RBBP6: variants seen among roughly 807,000 people sequenced by gnomAD.
RBBP6 encodes the protein RB binding protein 6, ubiquitin ligase.
Under a neutral mutation model 167.7 loss-of-function variants are expected in RBBP6, and 25 were observed. The ratio of observed to expected loss-of-function variants is 0.15; its 90% CI spans 0.11 to 0.21. RBBP6 has a LOEUF of 0.21. Among genes scored for constraint, RBBP6 ranks in the 10% least tolerant of loss-of-function variants. The probability of loss-of-function intolerance (pLI) is 1.00; values close to 1 mark genes in which losing one functional copy is unlikely to be tolerated. For missense variants in RBBP6, 1,868 were observed against 2,134.2 expected, an observed-to-expected ratio of 0.88 and a Z score of 2.46; for synonymous variants, 789 against 735.8, an observed-to-expected ratio of 1.07 and a Z score of -1.17.
At chr16:24,549,378 G>A (rs1898742513) in intron 3 of RBBP6, 4 of 1,019,058 alleles carry the variant, frequency 3.9e-6, no homozygotes, top group Non-Finnish European at 4.7e-6. Context: ...TTTGTTTCTT[G>A]CAATAAAAAA....
chr16:24,541,791 G>A (rs961551804), intron 1 of RBBP6, among the ~76,000 whole-genome samples: 1 of 152,142 alleles, frequency 6.6e-6, no homozygotes, highest in Non-Finnish European at 1.5e-5. Flanking sequence ...AGTTACTGAT[G>A]GAATGAGAAG....
intron 1 of RBBP6, 45 bp downstream of exon 1, chr16:24,540,837 T>G (rs1179130735): frequency 7.6e-6 from 12 of 1,584,878 alleles, no homozygotes; most frequent in Non-Finnish European, 9.4e-6. Context: ...TGGAGAGAGA[T>G]ACTAGCTAGA....
intron 7 of RBBP6, among the ~76,000 whole-genome samples, chr16:24,558,115 C>T (rs369784340): frequency 1.3e-5 from 2 of 151,978 alleles, no homozygotes; most frequent in Admixed American, 6.6e-5. Flanking sequence ...AAGAGCAGAC[C>T]GCTTCATCTA....
intron 8 of RBBP6, among the ~76,000 whole-genome samples, chr16:24,560,805 G>T (rs1420702111): frequency 1.3e-5 from 2 of 152,216 alleles, no homozygotes; most frequent in Non-Finnish European, 2.9e-5. Flanking sequence ...GATGTACATA[G>T]TATTATATGC....
chr16:24,560,947 C>G (rs754635843), intron 8 of RBBP6, among the ~76,000 whole-genome samples: 2 of 152,142 alleles, frequency 1.3e-5, no homozygotes, highest in Non-Finnish European at 2.9e-5. Context: ...AGACCAAGGT[C>G]AAGAAGAGGT....
intron 1 of RBBP6, among the ~76,000 whole-genome samples, chr16:24,541,180 G>GCAAAAAAAAAAA (rs1898477465): frequency 1.8e-5 from 1 of 55,334 alleles, no homozygotes; most frequent in Admixed American, 2.0e-4. Flanking sequence ...TGTTCAATCA[G>GCAAAAAAAAAAA]CAAAAAAAAA....
At chr16:24,563,098 CATCTT>C (rs1379140418) in intron 10 of RBBP6, 96 bp from the exon 11 acceptor site, 2 of 829,036 alleles carry the variant, frequency 2.4e-6, no homozygotes, top group African/African-American at 3.5e-5. Context: ...TGACTTAACT[CATCTT>C]AACTGCAGGT....
Position 24,556,339 on chromosome 16 carries a change from A to G in RBBP6, c.566A>G (p.Lys189Arg). ...AACTTTGAATCTGGTCCTAGGATTA[A>G]AAAGAGCACTGGAATTCCCAGAAGT... ...DKNFESGPRI[K>R]KSTGIPRSFM... is the part of the protein sequence containing the mutation. The change falls in exon 7 of 18, where the codon AAA becomes AGA. Residue 189 changes from lysine (K) to arginine (R), a missense_variant. Physicochemically the swap from Lys to Arg is conservative, Grantham distance 26. Transcript: ENST00000319715. 1 of 1,603,692 alleles carries G rather than the reference A, an allele frequency of 6.2e-7. No individual in the cohort carries two copies. The highest frequency in any genetic ancestry group is 8.5e-7 in the Non-Finnish European group (1 of 1,170,698).
At chr16:24,558,770 A>C (rs1898978576) in intron 7 of RBBP6, among the ~76,000 whole-genome samples, 2 of 152,176 alleles carry the variant, frequency 1.3e-5, no homozygotes, top group African/African-American at 4.8e-5. Flanking sequence ...TCTACAAAAA[A>C]CTGGACCTAG....
chr16:24,562,812 GGAAA>G (rs1899098406), intron 10 of RBBP6, among the ~76,000 whole-genome samples: 1 of 152,116 alleles, frequency 6.6e-6, no homozygotes. Context: ...GGTTGATAGT[GGAAA>G]TAGGCCCAGA....
chr16:24,555,641 T>C lies in RBBP6; in HGVS notation c.375T>C (p.Ala125=). The change falls in exon 5 of 18, where the codon GCT becomes GCC. Residue 125 remains alanine (A), a synonymous_variant. Coordinates refer to ENST00000319715, the MANE Select transcript of RBBP6 (RefSeq NM_006910.5). ...TKTANLAEAN[A]SEEDKIKAMM... is the part of the protein sequence containing the mutation. ...CTGCCAATCTGGCTGAAGCCAATGC[T>C]TCTGAAGAAGATAAAATTAAAGCAA... is the stretch of plus-strand genomic sequence containing the variant. 6.2e-7 allele frequency: 1 copy of C among 1,613,120 alleles called. No individual in the cohort carries two copies. Among genetic ancestry groups the C allele is most frequent in the Non-Finnish European group, 8.5e-7 (1 of 1,179,766 alleles).
intron 14 of RBBP6, 54 bp downstream of exon 14, chr16:24,564,919 C>A (rs965182846): frequency 6.4e-7 from 1 of 1,555,816 alleles, no homozygotes; most frequent in Admixed American, 1.9e-5. Context: ...ATATATATAT[C>A]TCACCAAAGA....
Position 24,561,712 on chromosome 16 carries a change from A to T in RBBP6, c.948A>T (p.Arg316=). 1 of 1,613,412 alleles carries T rather than the reference A, an allele frequency of 6.2e-7. No individual in the cohort carries two copies. The highest frequency in any genetic ancestry group is 1.1e-5 in the South Asian group (1 of 91,068). ...PDALIANKFL[R]QAVNNFKNET... The stretch of plus-strand genomic sequence containing the variant: ...CTTTAATTGCCAATAAATTTTTACG[A>T]CAGGTAACTGTCTGTATCCATTTTA... The change falls in exon 9 of 18, where the codon CGA becomes CGT. Residue 316 remains arginine (R), a synonymous_variant. Coordinates refer to ENST00000319715, the MANE Select transcript of RBBP6 (RefSeq NM_006910.5).
In RBBP6 at chr16:24,540,773, C is replaced by T. The variant is rs767477380; in HGVS notation, c.147C>T (p.Thr49=). The T allele has an allele frequency of 6.2e-7, 1 of 1,613,234 alleles. No homozygotes were observed. Among genetic ancestry groups the T allele is most frequent in the Admixed American group, 1.7e-5 (1 of 59,814 alleles). ...LKAADCDLQI[T]NAQTKEEYTD... ...CTGCCGACTGCGACCTGCAGATCACCAATGCGCAGACGAAAGAAGGTAAGG... is the reference window on the plus strand; with the variant it reads ...CTGCCGACTGCGACCTGCAGATCACTAATGCGCAGACGAAAGAAGGTAAGG... Residue 49 remains threonine, a synonymous_variant, in exon 1 of 18, where the codon ACC becomes ACT. Transcript: ENST00000319715.
At position 24,562,024 on chromosome 16, in the gene RBBP6, A is replaced by G. The variant is rs1899072144; in HGVS notation, c.1152A>G (p.Ile384Met). ...CATCAACTCACCCAGCTCCGTCTAT[A>G]TCTTCATTAACTTCTAATCAGTCTT... is the stretch of plus-strand genomic sequence containing the variant. ...TSSSTHPAPS[I>M]SSLTSNQSSL... The change falls in exon 10 of 18, where the codon ATA becomes ATG. Residue 384 changes from isoleucine to methionine, a missense_variant. Transcript: ENST00000319715. 4 of 1,613,112 alleles carry G rather than the reference A, an allele frequency of 2.5e-6. No homozygotes were observed. The highest frequency in any genetic ancestry group is 1.6e-4 in the Middle Eastern group (1 of 6,062).
rs1288821880 is a variant in RBBP6, at chr16:24,569,834, A to T, written c.3144A>T (p.Glu1048Asp). ...GACCCCAAGAAAAAGTAGATGGAGA[A>T]CGTGAGAGATCTCCTCGATCTGAAC... Reference protein sequence around the residue: ...AKGPQEKVDGERERSPRSEPP... With the variant: ...AKGPQEKVDGDRERSPRSEPP... The change falls in exon 17 of 18, where the codon GAA becomes GAT. Residue 1048 changes from glutamate to aspartate, a missense_variant. Physicochemically the swap from Glu to Asp is conservative, Grantham distance 45. Coordinates refer to ENST00000319715, the MANE Select transcript of RBBP6 (RefSeq NM_006910.5). The T allele has an allele frequency of 6.2e-7, 1 of 1,611,722 alleles. No individual in the cohort carries two copies. The highest frequency in any genetic ancestry group is 8.5e-7 in the Non-Finnish European group (1 of 1,179,454).
rs551699649 is a variant in RBBP6 at position 24,572,787 on chromosome 16, A to G, written c.*342A>G. 1.5e-4 allele frequency: 30 copies of G among 194,744 alleles called. No individual in the cohort carries two copies. The highest frequency in any genetic ancestry group is 2.9e-4 in the Non-Finnish European group (28 of 95,336). The allele number at this position is 194,744 out of a possible 1,614,324, so 12.1% of individuals were successfully genotyped here. On this transcript the variant is annotated 3_prime_UTR_variant, in exon 18 of 18. Coordinates refer to ENST00000319715, the MANE Select transcript of RBBP6 (RefSeq NM_006910.5). Reference sequence around the variant, plus strand: ...GATATAAGTTCTAAAATATCAGCAGAATGATTTGCTGAATTCATTACAACC... The same window carrying G: ...GATATAAGTTCTAAAATATCAGCAGGATGATTTGCTGAATTCATTACAACC...
At chr16:24,549,706 A>G (rs1423021942) in intron 3 of RBBP6, among the ~76,000 whole-genome samples, 1 of 151,998 alleles carries the variant, frequency 6.6e-6, no homozygotes, top group African/African-American at 2.4e-5. Flanking sequence ...GAGTTTATAT[A>G]AACTGATTAT....
In RBBP6 at chr16:24,545,092, T is replaced by C. The variant is rs192014587; in HGVS notation, c.167-1071T>C. Among the ~76,000 whole-genome samples the C allele has an allele frequency of 1.8e-4, 28 of 152,272 alleles. No homozygotes were observed. In the East Asian group the frequency reaches 5.0e-3, roughly 27 times the overall value. On this transcript the variant is annotated intron_variant, in intron 1 of 17. Transcript: ENST00000319715. Reference sequence around the variant, plus strand: ...TCCACATTGGTGCCACAGTAGTCTTTTTTTGAGACAGAGTCTTGCTCTGTC... The same window carrying C: ...TCCACATTGGTGCCACAGTAGTCTTCTTTTGAGACAGAGTCTTGCTCTGTC...
Sources: gnomAD v4.1 joint callset for allele counts (sites outside exome capture counted in the v4.1 genomes callset) on GRCh38, gnomAD v4.1.1 for gene constraint, MANE v1.5 for transcripts, NCBI Gene and HGNC (gene_info 2026-07-23, HGNC 2026-07-21) for gene names.